The following TRANK1 variants were observed in gnomAD, a reference collection of about 807,000 sequenced individuals.
TRANK1 encodes TPR and ankyrin repeat-containing protein 1.
A neutral mutation model predicts 266.0 loss-of-function variants in TRANK1; 198 were observed. The ratio of observed to expected loss-of-function variants is 0.74; its 90% CI spans 0.66 to 0.84. The LOEUF (loss-of-function observed/expected upper bound fraction) is 0.84. Among genes scored for constraint, TRANK1 ranks in the 40% least tolerant of loss-of-function variants. The pLI is 0.00. For missense variants in TRANK1, 3,326 were observed against 3,634.6 expected (o/e 0.92, Z 2.18); for synonymous variants, 1,396 against 1,384.1 (o/e 1.01, Z -0.19).
chr3:36,871,909 T>C (rs2079315332), intron 9 of TRANK1, among the ~76,000 whole-genome samples: 1 of 152,188 alleles, frequency 6.6e-6, no homozygotes, highest in South Asian at 2.1e-4. Flanking sequence ...ACATGCCCTC[T>C]ACAGGTTGCC....
chr3:36,832,583 T>A lies in TRANK1; in HGVS notation c.7000A>T (p.Met2334Leu). Residue 2334 changes from methionine to leucine, a missense_variant, in exon 22 of 24, where the codon ATG becomes TTG. Transcript: ENST00000645898. Reference protein sequence around the residue: ...RESTDLWLSAMQAFLLSSNYP... With the variant: ...RESTDLWLSALQAFLLSSNYP... ...TTGGAAGAGAGAAGGAAAGCTTGCA[T>A]GGCACTCAGCCACAGGTCTGTGGAT... 6.2e-7 allele frequency: 1 copy of A among 1,614,042 alleles called. No individual in the cohort carries two copies. Among genetic ancestry groups the A allele is most frequent in the Non-Finnish European group, 8.5e-7 (1 of 1,179,904 alleles).
chr3:36,856,784 C>T lies in TRANK1; in HGVS notation c.2938G>A (p.Gly980Ser). ...LRKKLKGINK[G>S]QVSANMKIQK... ...ATTTTCATGTTAGCTGACACTTGGC[C>T]TTTATTGATACCTTTCAGCTTCTTC... is the stretch of plus-strand genomic sequence containing the variant. The change falls in exon 13 of 24, where the codon GGC (glycine) becomes AGC (serine). Residue 980 changes from glycine (G) to serine (S), a missense_variant. By Grantham distance (56) the Gly-to-Ser change is moderately conservative. Transcript: ENST00000645898. 1.2e-6 allele frequency: 2 copies of T among 1,614,002 alleles called. No homozygotes were observed. The highest frequency in any genetic ancestry group is 2.2e-5 in the East Asian group (1 of 44,882).
Position 36,852,485 on chromosome 3 carries a change from C to G in TRANK1, c.4550-140G>C, listed in dbSNP as rs925492265. The G allele has an allele frequency of 9.7e-6, 7 of 720,286 alleles. No homozygotes were observed. The African/African-American group carries it at 1.1e-4, about 11-fold the overall frequency. The allele number at this position is 720,286 out of a possible 1,614,324, so 44.6% of individuals were successfully genotyped here. A position where few individuals can be genotyped will look rare whatever the true frequency, so the allele number is the denominator to read the frequency against. ...TATAATTGCAAGCCCGTTTTCAGTT[C>G]CCATTTGATTACCTCTGCAGCCCTG... On this transcript the variant is annotated intron_variant, in intron 13 of 23. Coordinates refer to ENST00000645898, the MANE Select transcript of TRANK1 (RefSeq NM_001329998.2).
intron 1 of TRANK1, among the ~76,000 whole-genome samples, chr3:36,920,683 C>T (rs1200024758): frequency 2.6e-5 from 4 of 151,934 alleles, no homozygotes; most frequent in South Asian, 2.1e-4. Flanking sequence ...TTGCTTCCGG[C>T]GTAAGGATGA....
chr3:36,942,145 T>C (rs2080505020), intron 1 of TRANK1, among the ~76,000 whole-genome samples: 1 of 152,182 alleles, frequency 6.6e-6, no homozygotes, highest in Admixed American at 6.5e-5. Flanking sequence ...GGGCATATAC[T>C]ATAGAAATGG....
chr3:36,829,686 T>C (rs992475399), intron 22 of TRANK1, 24 bp from the exon 23 acceptor site: 2 of 1,610,444 alleles, frequency 1.2e-6, no homozygotes, highest in Non-Finnish European at 1.7e-6. Flanking sequence ...AGAACATGGC[T>C]CTGAGTAAAG....
In TRANK1 at chr3:36,827,969, G is replaced by A; in HGVS notation, c.*306C>T. The A allele has an allele frequency of 3.8e-6, 1 of 265,312 alleles. No homozygotes were observed. Among genetic ancestry groups the A allele is most frequent in the Non-Finnish European group, 7.3e-6 (1 of 136,540 alleles). The allele number at this position is 265,312 out of a possible 1,614,324, so 16.4% of individuals were successfully genotyped here. Reference sequence around the variant, plus strand: ...CTCATGTCATGATGGGGATGAGCCAGACACCCCAGGGACCATGCAGTGAGG... The same window carrying A: ...CTCATGTCATGATGGGGATGAGCCAAACACCCCAGGGACCATGCAGTGAGG... On this transcript the variant is annotated 3_prime_UTR_variant, in exon 24 of 24. Transcript: ENST00000645898.
At chr3:36,887,056 G>T (rs2079617983) in intron 8 of TRANK1, among the ~76,000 whole-genome samples, 1 of 151,930 alleles carries the variant, frequency 6.6e-6, no homozygotes, top group African/African-American at 2.4e-5. Flanking sequence ...ACAGGCGCAT[G>T]CTACTATGCC....
At chr3:36,913,030 T>TTGTGTGTGTGTGTGTGTG (rs10633466) in intron 1 of TRANK1, among the ~76,000 whole-genome samples, 164 of 144,168 alleles carry the variant, frequency 1.1e-3, no homozygotes, top group African/African-American at 3.9e-3. Flanking sequence ...TATGTCTCTT[T>TTGTGTGTGTGTGTGTGTG]TGTGTGTGTG....
intron 1 of TRANK1, among the ~76,000 whole-genome samples, chr3:36,938,143 C>T (rs1049701482): frequency 6.6e-5 from 10 of 152,240 alleles, no homozygotes; most frequent in African/African-American, 2.4e-4. Flanking sequence ...ACAAGGACAT[C>T]TGAAGGGTGG....
intron 9 of TRANK1, 111 bp downstream of exon 9, chr3:36,874,015 T>G: frequency 1.1e-6 from 1 of 926,742 alleles, no homozygotes; most frequent in East Asian, 3.1e-5. Context: ...CACTTCCATA[T>G]ATATATGTGT....
chr3:36,945,126 G>C (rs2125677972), upstream of TRANK1: 1 of 362,080 alleles, frequency 2.8e-6, no homozygotes, highest in African/African-American at 2.1e-5. Flanking sequence ...GGAGGTGTTT[G>C]TCATCGCGTT....
chr3:36,944,510 T>G (rs1192487967), intron 1 of TRANK1, among the ~76,000 whole-genome samples: 1 of 151,906 alleles, frequency 6.6e-6, no homozygotes, highest in Non-Finnish European at 1.5e-5. Context: ...GATGCCGGGG[T>G]GGGAGCTAGG....
At chr3:36,917,907 A>T (rs1180180669) in intron 1 of TRANK1, among the ~76,000 whole-genome samples, 4 of 152,220 alleles carry the variant, frequency 2.6e-5, no homozygotes, top group Non-Finnish European at 5.9e-5. Context: ...ATTAGCTAAA[A>T]GTCTGAAAAG....
Position 36,831,479 on chromosome 3 carries a change from G to T in TRANK1, c.8104C>A (p.Arg2702=). ...DEMDELALED[R]DHVLATILSQ... is the part of the protein sequence containing the mutation. ...AGAATGGTGGCCAGGACGTGGTCTCGGTCTTCTAATGCCAGTTCATCCATC... is the reference window on the plus strand; with the variant it reads ...AGAATGGTGGCCAGGACGTGGTCTCTGTCTTCTAATGCCAGTTCATCCATC... Residue 2702 remains arginine, a synonymous_variant, in exon 22 of 24, where the codon CGA becomes AGA. Coordinates refer to ENST00000645898, the MANE Select transcript of TRANK1 (RefSeq NM_001329998.2). This position sits in a 1 kb window ranked among gnomAD's most constrained non-coding sequence, Gnocchi z 5.0. 6.2e-7 allele frequency: 1 copy of T among 1,613,040 alleles called. No individual in the cohort carries two copies. Among genetic ancestry groups the T allele is most frequent in the Non-Finnish European group, 8.5e-7 (1 of 1,179,516 alleles).
At position 36,847,070 on chromosome 3, in the gene TRANK1, T is replaced by C. The variant is rs139867732; in HGVS notation, c.5034+130A>G. ...CTGAGATCCCTGCCCCTTCCTTTCT[T>C]ATCCTCAATTCCCCGTTGCTGAGGA... On this transcript the variant is annotated intron_variant, in intron 16 of 23. Transcript: ENST00000645898. 4.9e-4 allele frequency: 572 copies of C among 1,158,156 alleles called. 2 individuals are homozygous for C. In the African/African-American group the frequency reaches 8.2e-3, roughly 17 times the overall value. The allele number at this position is 1,158,156 out of a possible 1,614,324, so 71.7% of individuals were successfully genotyped here.
chr3:36,839,747 T>C (rs55852431), intron 18 of TRANK1, among the ~76,000 whole-genome samples: 11,007 of 152,268 alleles, frequency 0.072, 589 homozygotes, highest in Admixed American at 0.15. Flanking sequence ...CAGCTGTGCA[T>C]TGGTCTATAT....
chr3:36,935,854 T>C (rs542692000), intron 1 of TRANK1, among the ~76,000 whole-genome samples: 24 of 152,344 alleles, frequency 1.6e-4, no homozygotes, highest in African/African-American at 4.6e-4. Flanking sequence ...TGGCCACTTC[T>C]TACTTATCAG....
chr3:36,913,349 C>T (rs903469844), intron 1 of TRANK1, among the ~76,000 whole-genome samples: 2 of 151,832 alleles, frequency 1.3e-5, no homozygotes, highest in Admixed American at 6.6e-5. Context: ...CATGACCGTC[C>T]TTTTCCTTCT....
Sources: allele counts gnomAD v4.1 joint callset (sites outside exome capture counted in the v4.1 genomes callset), GRCh38; gene constraint gnomAD v4.1.1; non-coding constraint Gnocchi (gnomAD v3.1); transcripts MANE v1.5; gene names NCBI Gene and HGNC (gene_info 2026-07-23, HGNC 2026-07-21).